GPM6A: variants seen among roughly 807,000 people sequenced by gnomAD.
The protein encoded by GPM6A is glycoprotein M6A.
In GPM6A, 7 loss-of-function variants were observed where a neutral mutation model predicts 32.1. That is an observed-to-expected ratio of 0.22 (90% CI 0.12 to 0.41). The LOEUF (loss-of-function observed/expected upper bound fraction) is 0.41, where lower values mean the gene tolerates loss of function less well. Among genes scored for constraint, GPM6A ranks in the 10% least tolerant of loss-of-function variants. GPM6A has a pLI of 1.00. For missense variants in GPM6A, 235 were observed against 347.2 expected, an observed-to-expected ratio of 0.68 and a Z score of 2.57; for synonymous variants, 130 against 123.4, an observed-to-expected ratio of 1.05 and a Z score of -0.35.
At chr4:175,898,824 T>C (rs1008122849) in intron 1 of GPM6A, among the ~76,000 whole-genome samples, 18 of 152,202 alleles carry the variant, frequency 1.2e-4, no homozygotes, top group Non-Finnish European at 2.4e-4. Context: ...TCATGTCATT[T>C]CTCTCTAGTA....
At chr4:175,693,966 G>A (rs1327176977) in intron 2 of GPM6A, among the ~76,000 whole-genome samples, 1 of 152,074 alleles carries the variant, frequency 6.6e-6, no homozygotes, top group Admixed American at 6.6e-5. Context: ...GTTGTTGAAA[G>A]TGTGCAGCAC....
intron 1 of GPM6A, among the ~76,000 whole-genome samples, chr4:175,867,267 T>C (rs1736769340): frequency 6.6e-6 from 1 of 152,202 alleles, no homozygotes; most frequent in South Asian, 2.1e-4. Flanking sequence ...TAAACCCCAG[T>C]TTATCGTTTG....
chr4:175,804,063 A>C (rs911302967), intron 1 of GPM6A, among the ~76,000 whole-genome samples: 5 of 152,202 alleles, frequency 3.3e-5, no homozygotes, highest in African/African-American at 9.6e-5. Flanking sequence ...GGTACTATTT[A>C]AAACAGAGAT....
intron 2 of GPM6A, among the ~76,000 whole-genome samples, chr4:175,683,721 C>T (rs1054347875): frequency 3.9e-5 from 6 of 152,082 alleles, no homozygotes; most frequent in African/African-American, 1.4e-4. Context: ...TGCCTGCTCC[C>T]TCTTTGCCTC....
chr4:175,834,538 T>C (rs759470498), intron 1 of GPM6A, among the ~76,000 whole-genome samples: 24 of 152,184 alleles, frequency 1.6e-4, no homozygotes, highest in South Asian at 2.1e-4. Context: ...TAAACTCACA[T>C]TGCTTGAGTA....
At chr4:175,666,101 G>GT (rs1172412135) in intron 3 of GPM6A, among the ~76,000 whole-genome samples, 1 of 151,710 alleles carries the variant, frequency 6.6e-6, no homozygotes, top group Non-Finnish European at 1.5e-5. Context: ...GTATTTTTTA[G>GT]TAGAGAAGGG....
chr4:175,787,363 G>A (rs1054828179), intron 1 of GPM6A: 104 of 1,534,822 alleles, frequency 6.8e-5, no homozygotes, highest in Non-Finnish European at 8.3e-5. Flanking sequence ...AAAGTGTGAT[G>A]CTGCCGGCCG....
intron 1 of GPM6A, among the ~76,000 whole-genome samples, chr4:175,932,322 C>T (rs185598560): frequency 1.3e-5 from 2 of 152,184 alleles, no homozygotes; most frequent in Non-Finnish European, 2.9e-5. Context: ...AATGCTCTGC[C>T]CTCTTGCCTT....
intron 1 of GPM6A, among the ~76,000 whole-genome samples, chr4:175,773,610 A>G (rs1170003217): frequency 1.3e-5 from 2 of 152,190 alleles, no homozygotes; most frequent in African/African-American, 4.8e-5. Flanking sequence ...CACTTGTGAG[A>G]GAAAGTAATG....
chr4:175,658,761 T>C (rs1742232292), intron 3 of GPM6A, among the ~76,000 whole-genome samples: 1 of 152,184 alleles, frequency 6.6e-6, no homozygotes, highest in Non-Finnish European at 1.5e-5. Context: ...TCTATTTATA[T>C]AACAAAAAAT....
intron 1 of GPM6A, chr4:175,787,298 A>G: frequency 8.4e-7 from 1 of 1,194,338 alleles, no homozygotes; most frequent in South Asian, 1.3e-5. Context: ...CAATAGTTTC[A>G]CTGATAATAC....
At chr4:175,893,665 G>A in intron 1 of GPM6A, among the ~76,000 whole-genome samples, 1 of 152,078 alleles carries the variant, frequency 6.6e-6, no homozygotes, top group Non-Finnish European at 1.5e-5. Context: ...TGTCTTATAA[G>A]ACAGGTGGGG....
intron 1 of GPM6A, among the ~76,000 whole-genome samples, chr4:175,869,226 T>C (rs994620422): frequency 2.6e-5 from 4 of 152,216 alleles, no homozygotes; most frequent in African/African-American, 7.2e-5. Flanking sequence ...CTTTTATCTA[T>C]GCATTTTTTC....
At chr4:175,720,443 G>C (rs78536837) in intron 1 of GPM6A, among the ~76,000 whole-genome samples, 7,665 of 152,190 alleles carry the variant, frequency 0.05, 378 homozygotes, top group East Asian at 0.28. Context: ...TGGAATATCT[G>C]AAAAGGCAGA....
At chr4:175,997,445 A>G (rs1431446766) in intron 1 of GPM6A, among the ~76,000 whole-genome samples, 1 of 150,952 alleles carries the variant, frequency 6.6e-6, no homozygotes, top group Non-Finnish European at 1.5e-5. Context: ...AAATAGCTTA[A>G]TCTTATCTTC....
chr4:175,836,211 C>G (rs73008133), intron 1 of GPM6A, among the ~76,000 whole-genome samples: 5,123 of 152,216 alleles, frequency 0.034, 286 homozygotes, highest in African/African-American at 0.12. Context: ...ACCATCCTCT[C>G]TCAACCTGGA....
intron 4 of GPM6A, among the ~76,000 whole-genome samples, chr4:175,648,341 C>G (rs1741592437): frequency 6.6e-6 from 1 of 152,060 alleles, no homozygotes; most frequent in Admixed American, 6.6e-5. Flanking sequence ...GGAACTTGTA[C>G]CTGTGTTGGA....
chr4:175,814,263 A>G (rs1735032928), upstream of GPM6A, among the ~76,000 whole-genome samples: 1 of 152,252 alleles, frequency 6.6e-6, no homozygotes, highest in Non-Finnish European at 1.5e-5. Flanking sequence ...AAATGGGAAA[A>G]GCATAATTTT....
At chr4:175,637,699 T>A (rs34613545) in intron 6 of GPM6A, among the ~76,000 whole-genome samples, 25,141 of 69,962 alleles carry the variant, frequency 0.36, 4,339 homozygotes, top group East Asian at 0.5. Context: ...TATAATATAT[T>A]ATATATTATA....
Sources: allele counts gnomAD v4.1 joint callset (sites outside exome capture counted in the v4.1 genomes callset), GRCh38; gene constraint gnomAD v4.1.1; transcripts MANE v1.5; gene names NCBI Gene and HGNC (gene_info 2026-07-23, HGNC 2026-07-21).